SIDT1: variants seen among roughly 807,000 people sequenced by gnomAD.
The protein encoded by SIDT1 is SID1 transmembrane family, member 1.
Under a neutral mutation model 107.5 loss-of-function variants are expected in SIDT1, and 101 were observed. The ratio of observed to expected loss-of-function variants is 0.94; its 90% CI spans 0.80 to 1.11. SIDT1 has a LOEUF of 1.11. Ranked by LOEUF, SIDT1 falls within the 50% of genes least tolerant of loss-of-function variation. The pLI, the probability that SIDT1 is intolerant of heterozygous loss-of-function variation, is 0.00. For synonymous variants in SIDT1, 395 were observed against 398.2 expected (o/e 0.99, Z 0.10); for missense variants, 1,076 against 1,058.2 (o/e 1.02, Z -0.23).
chr3:113,532,601 A>G lies in SIDT1; in HGVS notation c.-421A>G, dbSNP rs1937604506. 6.2e-6 allele frequency: 1 copy of G among 161,942 alleles called. No individual in the cohort carries two copies. The highest frequency in any genetic ancestry group is 6.4e-5 in the Admixed American group (1 of 15,504). 10.0% of individuals were successfully genotyped at this position (161,942 alleles called of 1,614,324 possible). On this transcript the variant is annotated 5_prime_UTR_variant, in exon 1 of 25. Coordinates refer to ENST00000264852, the MANE Select transcript of SIDT1 (RefSeq NM_017699.3). ...TCCTCCTCGATGTGGCGTCAGGTTG[A>G]CTTTTCGAGACTAGCGGGTATTTCT...
chr3:113,606,949 T>C (rs1187573268), intron 14 of SIDT1, 92 bp from the exon 15 acceptor site: 9 of 795,662 alleles, frequency 1.1e-5, no homozygotes, highest in Non-Finnish European at 1.8e-5. Flanking sequence ...TGACAGTGCA[T>C]CTCCGTGAGC....
chr3:113,615,732 G>C (rs571882111), intron 19 of SIDT1, among the ~76,000 whole-genome samples: 4 of 152,254 alleles, frequency 2.6e-5, no homozygotes, highest in African/African-American at 9.6e-5. Flanking sequence ...TTTTAAAGTA[G>C]ATTGAGGGGA....
At chr3:113,583,308 T>C in intron 6 of SIDT1, 101 bp from the exon 7 acceptor site, 1 of 788,466 alleles carries the variant, frequency 1.3e-6, no homozygotes, top group Non-Finnish European at 2.0e-6. Context: ...TGAACTTTAT[T>C]TTCCTTCTCT....
At chr3:113,631,120 G>A (rs1171790203), downstream of SIDT1, among the ~76,000 whole-genome samples, 1 of 152,158 alleles carries the variant, frequency 6.6e-6, no homozygotes, top group East Asian at 1.9e-4. Flanking sequence ...GGGCCAAGTG[G>A]GAAAGCCTGG....
chr3:113,558,951 C>T (rs934775984), intron 1 of SIDT1, among the ~76,000 whole-genome samples: 6 of 152,124 alleles, frequency 3.9e-5, no homozygotes, highest in African/African-American at 1.4e-4. Flanking sequence ...AGTATGTTTC[C>T]TTCAGCAACC....
chr3:113,625,184 T>C (rs1001034336), intron 23 of SIDT1, among the ~76,000 whole-genome samples: 2 of 152,096 alleles, frequency 1.3e-5, no homozygotes, highest in Non-Finnish European at 2.9e-5. Context: ...TCTCCCAGGC[T>C]GGAGTGCAAT....
At chr3:113,631,569 C>T (rs1167832402), downstream of SIDT1, among the ~76,000 whole-genome samples, 1 of 152,120 alleles carries the variant, frequency 6.6e-6, no homozygotes, top group Non-Finnish European at 1.5e-5. Context: ...GTTTTAATGT[C>T]TCCTCAATAC....
intron 1 of SIDT1, among the ~76,000 whole-genome samples, chr3:113,556,966 CCCA>C (rs1940943505): frequency 6.6e-6 from 1 of 150,668 alleles, no homozygotes; most frequent in South Asian, 2.1e-4. Context: ...TCTACAGGTG[CCCA>C]CCACCACGCC....
chr3:113,554,556 G>T (rs1485378484), intron 1 of SIDT1, among the ~76,000 whole-genome samples: 1 of 152,154 alleles, frequency 6.6e-6, no homozygotes, highest in East Asian at 1.9e-4. Context: ...TGCAAGACGT[G>T]CCTTTGCTCC....
At chr3:113,609,962 G>GT (rs1218294834) in intron 17 of SIDT1, among the ~76,000 whole-genome samples, 1 of 152,006 alleles carries the variant, frequency 6.6e-6, no homozygotes, top group Non-Finnish European at 1.5e-5. Flanking sequence ...TTCCCGGTTT[G>GT]TTTTTATAAT....
chr3:113,636,310 G>A, the SIDT1 span, among the ~76,000 whole-genome samples: 1 of 152,114 alleles, frequency 6.6e-6, no homozygotes, highest in Non-Finnish European at 1.5e-5. Context: ...GGCTGAGGCA[G>A]GAGAATCGCT....
At chr3:113,635,227 G>T in the SIDT1 span, among the ~76,000 whole-genome samples, 1 of 152,202 alleles carries the variant, frequency 6.6e-6, no homozygotes, top group Non-Finnish European at 1.5e-5. Context: ...CCAGTGCATT[G>T]GCTCATGCCT....
In SIDT1 at chr3:113,583,446, T is replaced by C. The variant is rs759763139; in HGVS notation, c.785T>C (p.Phe262Ser). 5.4e-5 allele frequency: 86 copies of C among 1,600,198 alleles called. 1 individual carries two copies. Among genetic ancestry groups the C allele is most frequent in the Non-Finnish European group, 8.5e-6 (10 of 1,170,424 alleles). Residue 262 changes from phenylalanine to serine, a missense_variant, in exon 7 of 25, where the codon TTT becomes TCT. Phe to Ser is a radical substitution (Grantham distance 155, BLOSUM62 -2). Coordinates refer to ENST00000264852, the MANE Select transcript of SIDT1 (RefSeq NM_017699.3). ...DFPGEQFFVV[F>S]VIKPEDYACG... The stretch of plus-strand genomic sequence containing the variant: ...CCAGGCGAGCAGTTCTTCGTGGTAT[T>C]TGTGATAAAGCCTGAAGATTATGCC...
downstream of SIDT1, among the ~76,000 whole-genome samples, chr3:113,631,086 G>GA (rs35237923): frequency 3.1e-4 from 47 of 151,308 alleles, no homozygotes; most frequent in East Asian, 5.3e-3. Flanking sequence ...CAACTGAGAT[G>GA]AAAAAAAAAT....
chr3:113,608,351 T>C, intron 16 of SIDT1, 68 bp from the exon 17 acceptor site: 1 of 1,534,734 alleles, frequency 6.5e-7, no homozygotes, highest in Non-Finnish European at 9.0e-7. Context: ...AGCATGTGCT[T>C]CCAGATTAGT....
chr3:113,596,970 G>A (rs985216321), intron 10 of SIDT1, among the ~76,000 whole-genome samples: 3 of 152,202 alleles, frequency 2.0e-5, no homozygotes, highest in Non-Finnish European at 4.4e-5. Flanking sequence ...GATAAGACAA[G>A]GAGAGTGTTG....
intron 1 of SIDT1, among the ~76,000 whole-genome samples, chr3:113,535,291 T>A (rs1223935684): frequency 6.8e-6 from 1 of 147,258 alleles, no homozygotes; most frequent in Non-Finnish European, 1.5e-5. Context: ...TTTTTTTTTT[T>A]AAAGAAAAGA....
chr3:113,575,212 A>T (rs1942805334), intron 3 of SIDT1, among the ~76,000 whole-genome samples: 1 of 152,242 alleles, frequency 6.6e-6, no homozygotes, highest in South Asian at 2.1e-4. Context: ...CTGGCAAAAA[A>T]ATATGGGTTT....
At chr3:113,583,041 G>C (rs1943477080) in intron 6 of SIDT1, among the ~76,000 whole-genome samples, 1 of 152,080 alleles carries the variant, frequency 6.6e-6, no homozygotes, top group Admixed American at 6.5e-5. Context: ...GTCCATTTTA[G>C]AAAAGTGATT....
Sources: allele counts gnomAD v4.1 joint callset (sites outside exome capture counted in the v4.1 genomes callset), GRCh38; gene constraint gnomAD v4.1.1; transcripts MANE v1.5; gene names NCBI Gene and HGNC (gene_info 2026-07-23, HGNC 2026-07-21).